EGR1: variants seen among roughly 807,000 people sequenced by gnomAD.
The protein encoded by EGR1 is early growth response 1, also known as early growth response protein 1.
A neutral mutation model predicts 30.2 loss-of-function variants in EGR1; 8 were observed. The observed-to-expected ratio is 0.26, with a 90% CI of 0.16 to 0.48. The LOEUF is 0.48. EGR1 is among the 20% of genes least tolerant of loss of function. EGR1 has a pLI of 0.99. For synonymous variants in EGR1, 334 were observed against 312.8 expected (o/e 1.07, Z -0.72); for missense variants, 568 against 732.3 (o/e 0.78, Z 2.59).
chr5:138,469,094 G>A lies in EGR1; in HGVS notation c.*1013G>A, dbSNP rs914752354. On this transcript the variant is annotated 3_prime_UTR_variant, in exon 2 of 2. Coordinates refer to ENST00000239938, the MANE Select transcript of EGR1 (RefSeq NM_001964.3). ...AATGTAAATTTATAAATATATTCAG[G>A]AGTTGGAATGTTGTAGTTACCTACT... 2 of 152,404 alleles carry A rather than the reference G, an allele frequency of 1.3e-5. No homozygotes were observed. The highest frequency in any genetic ancestry group is 6.6e-5 in the Admixed American group (1 of 15,258). 9.4% of individuals were successfully genotyped at this position (152,404 alleles called of 1,614,324 possible).
intron 1 of EGR1, 105 bp from the exon 2 acceptor site, chr5:138,466,652 T>G: frequency 7.6e-7 from 1 of 1,321,088 alleles, no homozygotes; most frequent in Non-Finnish European, 1.0e-6. Flanking sequence ...ACCTCGGGAG[T>G]CAATGGTAGC....
At position 138,465,683 on chromosome 5, in the gene EGR1, G is replaced by C; in HGVS notation, c.-79G>C. The stretch of plus-strand genomic sequence containing the variant: ...CCGCATGTAACCCGGCCAGGCCCCC[G>C]CAACTGTGTCCCCTGCAGCTCCAGC... On this transcript the variant is annotated 5_prime_UTR_variant, in exon 1 of 2. Transcript: ENST00000239938. 7.1e-7 allele frequency: 1 copy of C among 1,410,008 alleles called. No individual in the cohort carries two copies. Among genetic ancestry groups the C allele is most frequent in the Non-Finnish European group, 9.3e-7 (1 of 1,072,460 alleles). 87.3% of individuals were successfully genotyped at this position (1,410,008 alleles called of 1,614,324 possible).
In EGR1 at chr5:138,466,814, C is replaced by G; in HGVS notation, c.365C>G (p.Pro122Arg). 6.2e-7 allele frequency: 1 copy of G among 1,614,060 alleles called. No individual in the cohort carries two copies. The highest frequency in any genetic ancestry group is 8.5e-7 in the Non-Finnish European group (1 of 1,180,010). ...NEKVLVETSY[P>R]SQTTRLPPIT... ...AAGGTGCTGGTGGAGACCAGTTACC[C>G]CAGCCAAACCACTCGACTGCCCCCC... The change falls in exon 2 of 2, where the codon CCC becomes CGC. Residue 122 changes from proline (P) to arginine (R), a missense_variant. Pro to Arg is a moderately radical substitution (Grantham distance 103). Transcript: ENST00000239938.
Position 138,467,750 on chromosome 5 carries a change from C to G in EGR1, c.1301C>G (p.Ser434Trp). 1 of 1,614,104 alleles carries G rather than the reference C, an allele frequency of 6.2e-7. No individual in the cohort carries two copies. The highest frequency in any genetic ancestry group is 8.5e-7 in the Non-Finnish European group (1 of 1,180,016). ...GCAGACAAAAGTGTTGTGGCCTCTT[C>G]GGCCACCTCCTCTCTCTCTTCCTAC... ...KKADKSVVASSATSSLSSYPS... is the reference protein window; with the variant it reads ...KKADKSVVASWATSSLSSYPS... Residue 434 changes from serine to tryptophan, a missense_variant, in exon 2 of 2, where the codon TCG becomes TGG. By Grantham distance (177) the Ser-to-Trp change is radical. This residue lies in a region of EGR1 where 118 missense variants were observed against 161.6 expected (regional missense o/e 0.73). Coordinates refer to ENST00000239938, the MANE Select transcript of EGR1 (RefSeq NM_001964.3). The surrounding 1 kb of genome is among the most constrained non-coding windows in gnomAD (Gnocchi z 8.3).
chr5:138,468,652 T>C lies in EGR1; in HGVS notation c.*571T>C, dbSNP rs1181242120. 6.3e-6 allele frequency: 1 copy of C among 159,480 alleles called. No homozygotes were observed. Among genetic ancestry groups the C allele is most frequent in the East Asian group, 1.9e-4 (1 of 5,304 alleles). 9.9% of individuals were successfully genotyped at this position (159,480 alleles called of 1,614,324 possible). A position where few individuals can be genotyped will look rare whatever the true frequency, so the allele number is the denominator to read the frequency against. Reference sequence around the variant, plus strand: ...CTATTTTGTGATGATGCTGTGACAATAAGTTTGAACCTTTTTTTTTGAAAC... The same window carrying C: ...CTATTTTGTGATGATGCTGTGACAACAAGTTTGAACCTTTTTTTTTGAAAC... On this transcript the variant is annotated 3_prime_UTR_variant, in exon 2 of 2. Coordinates refer to ENST00000239938, the MANE Select transcript of EGR1 (RefSeq NM_001964.3).
chr5:138,467,464 G>T lies in EGR1; in HGVS notation c.1015G>T (p.Ala339Ser). Reference sequence around the variant, plus strand: ...GACGCCCCCCCACGAACGCCCTTACGCTTGCCCAGTGGAGTCCTGTGATCG... The same window carrying T: ...GACGCCCCCCCACGAACGCCCTTACTCTTGCCCAGTGGAGTCCTGTGATCG... ...SKTPPHERPY[A>S]CPVESCDRRF... is the part of the protein sequence containing the mutation. The change falls in exon 2 of 2, where the codon GCT becomes TCT. Residue 339 changes from alanine (A) to serine (S), a missense_variant. Physicochemically the swap from Ala to Ser is moderately conservative, Grantham distance 99 (BLOSUM62 1). Transcript: ENST00000239938. This position sits in a 1 kb window ranked among gnomAD's most constrained non-coding sequence, Gnocchi z 8.3. 6.2e-7 allele frequency: 1 copy of T among 1,613,786 alleles called. No homozygotes were observed.
In EGR1 at chr5:138,465,732, G is replaced by T; in HGVS notation, c.-30G>T. On this transcript the variant is annotated 5_prime_UTR_variant, in exon 1 of 2. Transcript: ENST00000239938. ...GCCCCGGGCTGCACCCCCCCGCCCC[G>T]ACACCAGCTCTCCAGCCTGCTCGTC... 9.0e-7 allele frequency: 1 copy of T among 1,108,294 alleles called. No individual in the cohort carries two copies. The highest frequency in any genetic ancestry group is 1.4e-5 in the South Asian group (1 of 69,424). 68.7% of individuals were successfully genotyped at this position (1,108,294 alleles called of 1,614,324 possible).
Position 138,467,440 on chromosome 5 carries a change from A to ACGC in EGR1, c.993_995dup (p.Pro333dup). On this transcript the variant is annotated inframe_insertion, in exon 2 of 2. Coordinates refer to ENST00000239938, the MANE Select transcript of EGR1 (RefSeq NM_001964.3). The surrounding 1 kb of genome is among the most constrained non-coding windows in gnomAD (Gnocchi z 8.3). The stretch of plus-strand genomic sequence containing the variant: ...CAAGTACCCCAACCGGCCCAGCAAG[A>ACGC]CGCCCCCCCACGAACGCCCTTACGC... 1 of 1,613,568 alleles carries ACGC rather than the reference A, an allele frequency of 6.2e-7. No individual in the cohort carries two copies. Among genetic ancestry groups the ACGC allele is most frequent in the Non-Finnish European group, 8.5e-7 (1 of 1,179,924 alleles).
chr5:138,466,855 C>T lies in EGR1; in HGVS notation c.406C>T (p.Arg136Cys), dbSNP rs1257926984. 1.9e-6 allele frequency: 3 copies of T among 1,614,066 alleles called. No individual in the cohort carries two copies. The highest frequency in any genetic ancestry group is 1.1e-5 in the South Asian group (1 of 91,078). ...ACTGCCCCCCATCACCTATACTGGC[C>T]GCTTTTCCCTGGAGCCTGCACCCAA... ...TRLPPITYTG[R>C]FSLEPAPNSG... The change falls in exon 2 of 2, where the codon CGC becomes TGC. Residue 136 changes from arginine to cysteine, a missense_variant. Physicochemically the swap from Arg to Cys is radical, Grantham distance 180 (BLOSUM62 -3). Around this residue, in one of 4 missense-constraint regions of EGR1, gnomAD observed 415 missense variants for 445.2 expected, o/e 0.93. Transcript: ENST00000239938.
intron 1 of EGR1, 83 bp from the exon 2 acceptor site, chr5:138,466,674 C>T: frequency 6.6e-7 from 1 of 1,506,192 alleles, no homozygotes; most frequent in Non-Finnish European, 9.0e-7. Context: ...GGCCCGGTCT[C>T]TTGCCTGGCA....
intron 1 of EGR1, among the ~76,000 whole-genome samples, chr5:138,466,530 C>T (rs1369427614): frequency 2.0e-5 from 3 of 152,246 alleles, no homozygotes; most frequent in African/African-American, 4.8e-5. Context: ...CGGAGCGCTG[C>T]GAGCTGCAGT....
In EGR1 at chr5:138,465,500, C is replaced by G. The variant is rs1450023816; in HGVS notation, c.-262C>G. ...TCGCGAGAGATCCCAGCGCGCAGAA[C>G]TTGGGGAGCCGCCGCCGCCATCCGC... On this transcript the variant is annotated 5_prime_UTR_variant, in exon 1 of 2. Transcript: ENST00000239938. 8 of 235,464 alleles carry G rather than the reference C, an allele frequency of 3.4e-5. No individual in the cohort carries two copies. The East Asian group carries it at 8.0e-4, about 24-fold the overall frequency. 14.6% of individuals were successfully genotyped at this position (235,464 alleles called of 1,614,324 possible).
chr5:138,466,683 C>T, intron 1 of EGR1, 74 bp from the exon 2 acceptor site: 1 of 1,521,132 alleles, frequency 6.6e-7, no homozygotes, highest in Admixed American at 2.0e-5. Flanking sequence ...TCTTGCCTGG[C>T]AGCTCGGGTC....
At position 138,468,116 on chromosome 5, in the gene EGR1, A is replaced by C; in HGVS notation, c.*35A>C. On this transcript the variant is annotated 3_prime_UTR_variant, in exon 2 of 2. Transcript: ENST00000239938. ...GGAAAGAAAGGGAAAAGGGAGAAAA[A>C]GAAACACAAGAGACTTAAAGGACAG... 1 of 1,538,850 alleles carries C rather than the reference A, an allele frequency of 6.5e-7. No individual in the cohort carries two copies. The highest frequency in any genetic ancestry group is 8.7e-7 in the Non-Finnish European group (1 of 1,144,194).
Position 138,467,826 on chromosome 5 carries a change from A to C in EGR1, c.1377A>C (p.Pro459=). The part of the protein sequence containing the change: ...SYPSPVTTSY[P]SPATTSYPSP... ...CGTCCCCGGTTACTACCTCTTATCC[A>C]TCCCCGGCCACCACCTCATACCCAT... The change falls in exon 2 of 2, where the codon CCA becomes CCC. Residue 459 remains proline (P), a synonymous_variant. Transcript: ENST00000239938. This position sits in a 1 kb window ranked among gnomAD's most constrained non-coding sequence, Gnocchi z 8.3. 1 of 1,612,904 alleles carries C rather than the reference A, an allele frequency of 6.2e-7. No homozygotes were observed. Among genetic ancestry groups the C allele is most frequent in the Non-Finnish European group, 8.5e-7 (1 of 1,179,416 alleles).
chr5:138,468,239 G>A lies in EGR1; in HGVS notation c.*158G>A. On this transcript the variant is annotated 3_prime_UTR_variant, in exon 2 of 2. Transcript: ENST00000239938. ...TCTCTACTGGAGTGGAAGGTCTATT[G>A]GCCAACAATCCTTTCTGCCCACTTC... The A allele has an allele frequency of 6.8e-7, 1 of 1,473,718 alleles. No homozygotes were observed. The highest frequency in any genetic ancestry group is 9.2e-7 in the Non-Finnish European group (1 of 1,091,666). The allele number at this position is 1,473,718 out of a possible 1,614,324, so 91.3% of individuals were successfully genotyped here.
Position 138,468,585 on chromosome 5 carries a change from GA to G in EGR1, c.*516del, listed in dbSNP as rs761470879. Reference sequence around the variant, plus strand: ...TTTGGAGTTAGGTCCTCACTTGGGGGAAAAAAAAAAAAGAAAAGCCAAGCAA... The same window carrying G: ...TTTGGAGTTAGGTCCTCACTTGGGGGAAAAAAAAAAAGAAAAGCCAAGCAA... On this transcript the variant is annotated 3_prime_UTR_variant, in exon 2 of 2. Coordinates refer to ENST00000239938, the MANE Select transcript of EGR1 (RefSeq NM_001964.3). 2,199 of 148,842 alleles carry G rather than the reference GA, an allele frequency of 0.015. 4 individuals carry two copies. Among genetic ancestry groups the G allele is most frequent in the South Asian group, 0.048 (292 of 6,116 alleles). The allele number at this position is 148,842 out of a possible 1,614,324, so 9.2% of individuals were successfully genotyped here. A position where few individuals can be genotyped will look rare whatever the true frequency, so the allele number is the denominator to read the frequency against.
At position 138,468,128 on chromosome 5, in the gene EGR1, G is replaced by A; in HGVS notation, c.*47G>A. 6 of 1,536,198 alleles carry A rather than the reference G, an allele frequency of 3.9e-6. No homozygotes were observed. The highest frequency in any genetic ancestry group is 5.2e-6 in the Non-Finnish European group (6 of 1,143,132). ...AAAAGGGAGAAAAAGAAACACAAGA[G>A]ACTTAAAGGACAGGAGGAGGAGATG... On this transcript the variant is annotated 3_prime_UTR_variant, in exon 2 of 2. Transcript: ENST00000239938.
rs200207939 is a variant in EGR1 at position 138,467,520 on chromosome 5, C to T, written c.1071C>T (p.Arg357=). 177 of 1,613,438 alleles carry T rather than the reference C, an allele frequency of 1.1e-4. No individual in the cohort carries two copies. The highest frequency in any genetic ancestry group is 1.4e-4 in the Non-Finnish European group (160 of 1,180,026). Residue 357 remains arginine (R), a synonymous_variant, in exon 2 of 2, where the codon CGC becomes CGT. Transcript: ENST00000239938. This position sits in a 1 kb window ranked among gnomAD's most constrained non-coding sequence, Gnocchi z 8.3. ...RRFSRSDELT[R]HIRIHTGQKP... Reference sequence around the variant, plus strand: ...TCTCCCGCTCCGACGAGCTCACCCGCCACATCCGCATCCACACAGGCCAGA... The same window carrying T: ...TCTCCCGCTCCGACGAGCTCACCCGTCACATCCGCATCCACACAGGCCAGA...
Sources: gnomAD v4.1 joint callset for allele counts (sites outside exome capture counted in the v4.1 genomes callset) on GRCh38, gnomAD v4.1.1 for gene constraint, gnomAD v4.1.1 regional missense constraint, Gnocchi (gnomAD v3.1) non-coding constraint, MANE v1.5 for transcripts, NCBI Gene and HGNC (gene_info 2026-07-23, HGNC 2026-07-21) for gene names.